DLG3: variants seen among roughly 807,000 people sequenced by gnomAD.
DLG3 encodes the protein disks large homolog 3.
A neutral mutation model predicts 64.1 loss-of-function variants in DLG3; 1 was observed. That is an observed-to-expected ratio of 0.02 (90% CI 0.01 to 0.07). DLG3 has a LOEUF of 0.07. Among genes scored for constraint, DLG3 ranks in the 10% least tolerant of loss-of-function variants. DLG3 has a pLI of 1.00. For missense variants in DLG3, 429 were observed against 669.5 expected (o/e 0.64, Z 3.96); for synonymous variants, 245 against 259.8 (o/e 0.94, Z 0.55).
rs1283289847 is a variant in DLG3 at position 70,502,424 on chromosome X, CT to C, written c.*168del. 0.1 allele frequency: 28,160 copies of C among 280,181 alleles called. No individual in the cohort carries two copies. Among genetic ancestry groups the C allele is most frequent in the East Asian group, 0.13 (2,004 of 15,636 alleles). 23.1% of individuals were successfully genotyped at this position (280,181 alleles called of 1,213,427 possible). A position where few individuals can be genotyped will look rare whatever the true frequency, so the allele number is the denominator to read the frequency against. On this transcript the variant is annotated 3_prime_UTR_variant, in exon 19 of 19. Coordinates refer to ENST00000374360, the MANE Select transcript of DLG3 (RefSeq NM_021120.4). ...AAAAATTAAGTTTTCTAGTCCTGTT[CT>C]TTTTTTTTTTTTAAGTTTTTGTTTG...
chrX:70,493,415 C>T (rs1260141403), intron 12 of DLG3: 1 of 1,209,239 alleles, frequency 8.3e-7, no homozygotes, highest in Non-Finnish European at 1.1e-6. Flanking sequence ...CCGCCTCTCT[C>T]GAAAGTTTCC....
At chrX:70,458,564 T>C (rs1282937058) in intron 9 of DLG3, among the ~76,000 whole-genome samples, 2 of 112,324 alleles carry the variant, frequency 1.8e-5, no homozygotes, top group African/African-American at 6.5e-5. Flanking sequence ...GCACTGGGAT[T>C]ACAGGCGTGA....
intron 9 of DLG3, among the ~76,000 whole-genome samples, chrX:70,471,484 C>A (rs961605548): frequency 9.1e-6 from 1 of 110,307 alleles, no homozygotes. Context: ...CGCCCGCCAC[C>A]ACGCCCGGCT....
At chrX:70,465,643 TTC>T (rs1322510783) in intron 9 of DLG3, among the ~76,000 whole-genome samples, 1 of 112,143 alleles carries the variant, frequency 8.9e-6, no homozygotes, top group Non-Finnish European at 1.9e-5. Context: ...ATGTGTATAT[TTC>T]TGTGTATTTC....
Position 70,454,428 on chromosome X carries a change from A to G in DLG3, c.1405+112A>G, listed in dbSNP as rs768999053. The stretch of plus-strand genomic sequence containing the variant: ...CCACTTGACCAGGTCCCTTCTACCT[A>G]GAGCAGTAACCTCTTCCTCTCTCCT... On this transcript the variant is annotated intron_variant, in intron 9 of 18. Transcript: ENST00000374360. 97 of 637,969 alleles carry G rather than the reference A, an allele frequency of 1.5e-4. No homozygotes were observed. In the South Asian group the frequency reaches 2.3e-3, roughly 15 times the overall value. The allele number at this position is 637,969 out of a possible 1,213,427, so 52.6% of individuals were successfully genotyped here.
chrX:70,494,668 T>C (rs760220651), intron 12 of DLG3, among the ~76,000 whole-genome samples: 1 of 111,591 alleles, frequency 9.0e-6, no homozygotes, highest in African/African-American at 3.3e-5. Context: ...AGTCCCAGAG[T>C]CCCTCCATGC....
Position 70,450,767 on chromosome X carries a change from C to A in DLG3, c.969C>A (p.Pro323=), listed in dbSNP as rs756955483. The A allele has an allele frequency of 8.3e-7, 1 of 1,211,757 alleles. No homozygotes were observed. The highest frequency in any genetic ancestry group is 1.1e-6 in the Non-Finnish European group (1 of 895,526). The change falls in exon 6 of 19, where the codon CCC becomes CCA. Residue 323 remains proline, a synonymous_variant. Coordinates refer to ENST00000374360, the MANE Select transcript of DLG3 (RefSeq NM_021120.4). Reference sequence around the variant, plus strand: ...TCCACCTCAACGACATGTACGCTCCCCCTGACTACGCCAGCAGTACGTACT... The same window carrying A: ...TCCACCTCAACGACATGTACGCTCCACCTGACTACGCCAGCAGTACGTACT... ...GSLHLNDMYA[P]PDYASTFTAL...
At chrX:70,457,882 G>T (rs1348540366) in intron 9 of DLG3, among the ~76,000 whole-genome samples, 8 of 92,939 alleles carry the variant, frequency 8.6e-5, no homozygotes, top group African/African-American at 1.2e-4. Flanking sequence ...AAAACTTTTT[G>T]TGTGTGTGTG....
chrX:70,461,375 C>T (rs1380154567), intron 9 of DLG3, among the ~76,000 whole-genome samples: 1 of 111,978 alleles, frequency 8.9e-6, no homozygotes. Context: ...GCTTCGTCCC[C>T]TGATTTGATT....
chrX:70,492,748 C>T (rs2087381452), intron 12 of DLG3, 152 bp downstream of exon 12: 1 of 543,524 alleles, frequency 1.8e-6, no homozygotes, highest in East Asian at 3.7e-5. Flanking sequence ...GACTGCTTTT[C>T]AGAAAGCAGA....
chrX:70,489,550 G>A (rs1457429770), intron 10 of DLG3, among the ~76,000 whole-genome samples: 1 of 111,643 alleles, frequency 9.0e-6, no homozygotes, highest in Non-Finnish European at 1.9e-5. Context: ...TGATCTGCCC[G>A]CCTCGGCCTC....
chrX:70,470,777 T>G (rs1002652669), intron 9 of DLG3, among the ~76,000 whole-genome samples: 1 of 111,873 alleles, frequency 8.9e-6, no homozygotes, highest in Non-Finnish European at 1.9e-5. Flanking sequence ...TTTTGACAAT[T>G]TTCCTGTCAT....
intron 9 of DLG3, chrX:70,455,167 G>A (rs891323837): frequency 2.7e-6 from 2 of 751,276 alleles, no homozygotes; most frequent in African/African-American, 2.3e-5. Flanking sequence ...CCTCCCGCGC[G>A]CCCCGCTTTG....
At chrX:70,494,381 T>G (rs1454602648) in intron 12 of DLG3, among the ~76,000 whole-genome samples, 3 of 111,677 alleles carry the variant, frequency 2.7e-5, no homozygotes, top group Non-Finnish European at 5.6e-5. Context: ...GATCTTGGGG[T>G]CTTGGTCTAT....
chrX:70,455,115 G>A (rs1484057883), intron 9 of DLG3: 1 of 729,205 alleles, frequency 1.4e-6, no homozygotes, highest in Non-Finnish European at 1.6e-6. Context: ...CGCCTCAGGC[G>A]TCTCCTCCTC....
chrX:70,475,416 G>A (rs1254874696), intron 9 of DLG3, among the ~76,000 whole-genome samples: 1 of 111,230 alleles, frequency 9.0e-6, no homozygotes, highest in Non-Finnish European at 1.9e-5. Context: ...GGAGTGCAGT[G>A]GCGCGATCTC....
At chrX:70,488,622 A>G (rs1296879363) in intron 10 of DLG3, among the ~76,000 whole-genome samples, 1 of 112,370 alleles carries the variant, frequency 8.9e-6, no homozygotes, top group Admixed American at 9.5e-5. Context: ...GAGAAGATCT[A>G]GGAAAGACTC....
intron 6 of DLG3, among the ~76,000 whole-genome samples, chrX:70,451,187 C>T (rs1204347868): frequency 4.5e-5 from 5 of 111,397 alleles, no homozygotes; most frequent in Non-Finnish European, 7.5e-5. Flanking sequence ...CTGCGAACTC[C>T]ACCTCCTGGG....
Position 70,445,311 on chromosome X carries a change from A to G in DLG3, c.110A>G (p.Asp37Gly). Residue 37 changes from aspartate (D) to glycine (G), a missense_variant, in exon 1 of 19, where the codon GAC becomes GGC. Asp to Gly is a moderately conservative substitution (Grantham distance 94). Transcript: ENST00000374360. ...PPGYGDWQVP[D>G]PYGPGGGNGA... ...GGCTACGGCGACTGGCAAGTCCCCG[A>G]CCCTTACGGGCCAGGTGGGGGCAAC... The G allele has an allele frequency of 8.6e-7, 1 of 1,166,074 alleles. No individual in the cohort carries two copies. Among genetic ancestry groups the G allele is most frequent in the Non-Finnish European group, 1.1e-6 (1 of 874,094 alleles).
Sources: allele counts gnomAD v4.1 joint callset (sites outside exome capture counted in the v4.1 genomes callset), GRCh38; gene constraint gnomAD v4.1.1; transcripts MANE v1.5; gene names NCBI Gene and HGNC (gene_info 2026-07-23, HGNC 2026-07-21).